Variants in ATG5 observed in about 807,000 individuals in gnomAD.
ATG5 encodes autophagy related 5.
A neutral mutation model predicts 36.5 loss-of-function variants in ATG5; 14 were observed. The observed-to-expected ratio is 0.38, with a 90% CI of 0.25 to 0.60. The LOEUF is 0.60. Ranked by LOEUF, ATG5 falls within the 20% of genes least tolerant of loss-of-function variation. The probability of loss-of-function intolerance (pLI) is 0.60; values close to 1 mark genes in which losing one functional copy is unlikely to be tolerated. For synonymous variants in ATG5, 95 were observed against 101.5 expected (o/e 0.94, Z 0.38); for missense variants, 195 against 326.7 (o/e 0.60, Z 3.11).
At chr6:106,296,241 C>A (rs1238417119) in intron 3 of ATG5, among the ~76,000 whole-genome samples, 1 of 151,772 alleles carries the variant, frequency 6.6e-6, no homozygotes, top group Non-Finnish European at 1.5e-5. Context: ...AAACTTACTC[C>A]ATGTAGTAAT....
intron 5 of ATG5, among the ~76,000 whole-genome samples, chr6:106,265,760 G>T (rs1396384938): frequency 2.0e-5 from 3 of 152,066 alleles, no homozygotes; most frequent in Non-Finnish European, 4.4e-5. Flanking sequence ...GGTAAATAAC[G>T]AAATTAAGGC....
intron 2 of ATG5, among the ~76,000 whole-genome samples, chr6:106,310,050 A>G (rs1330913287): frequency 2.0e-5 from 3 of 152,152 alleles, no homozygotes; most frequent in Admixed American, 6.6e-5. Flanking sequence ...TTTTTATGAA[A>G]TAAAATATTT....
At chr6:106,197,994 A>G (rs1776268586) in intron 7 of ATG5, among the ~76,000 whole-genome samples, 1 of 152,206 alleles carries the variant, frequency 6.6e-6, no homozygotes, top group Non-Finnish European at 1.5e-5. Context: ...CTCTATCAGC[A>G]ATAAAAACGA....
chr6:106,239,478 G>A (rs1237504588), intron 6 of ATG5, among the ~76,000 whole-genome samples: 1 of 152,136 alleles, frequency 6.6e-6, no homozygotes, highest in Non-Finnish European at 1.5e-5. Flanking sequence ...CTGAATAAGT[G>A]ATTTTAAAAG....
Position 106,186,517 on chromosome 6 carries a change from T to C in ATG5, c.*23A>G, listed in dbSNP as rs1271940897. The stretch of plus-strand genomic sequence containing the variant: ...GATAAATCCCATTTAAGGATGATTC[T>C]GTTCAGGCAAATAGTTGATCCTTCA... On this transcript the variant is annotated 3_prime_UTR_variant, in exon 8 of 8. Coordinates refer to ENST00000369076, the MANE Select transcript of ATG5 (RefSeq NM_004849.4). 6 of 1,611,622 alleles carry C rather than the reference T, an allele frequency of 3.7e-6. No homozygotes were observed. The highest frequency in any genetic ancestry group is 1.3e-5 in the African/African-American group (1 of 74,848).
chr6:106,305,809 ATATTGAT>A (rs1770421875), intron 3 of ATG5, among the ~76,000 whole-genome samples: 1 of 152,250 alleles, frequency 6.6e-6, no homozygotes, highest in African/African-American at 2.4e-5. Context: ...AGATATTCTT[ATATTGAT>A]AGCCTATTTC....
chr6:106,230,426 G>A (rs1777631969), intron 6 of ATG5, among the ~76,000 whole-genome samples: 1 of 152,166 alleles, frequency 6.6e-6, no homozygotes, highest in South Asian at 2.1e-4. Context: ...GGGCACGCTG[G>A]TAAAGGACCA....
chr6:106,279,523 C>G (rs1244343338), intron 5 of ATG5, 138 bp downstream of exon 5: 2 of 687,052 alleles, frequency 2.9e-6, no homozygotes, highest in African/African-American at 3.7e-5. Flanking sequence ...CTAAAAGTAG[C>G]TTCTGTGCAA....
At chr6:106,238,279 G>A (rs941618534) in intron 6 of ATG5, among the ~76,000 whole-genome samples, 3 of 152,154 alleles carry the variant, frequency 2.0e-5, no homozygotes, top group Admixed American at 1.3e-4. Context: ...CAGGGTTCAA[G>A]TGAACAAATC....
chr6:106,236,912 TA>T (rs945932019), intron 6 of ATG5, among the ~76,000 whole-genome samples: 2 of 152,312 alleles, frequency 1.3e-5, no homozygotes, highest in East Asian at 3.9e-4. Context: ...ATAAATATGT[TA>T]ATGTGTATGC....
chr6:106,210,059 T>G (rs1162458082), intron 6 of ATG5, among the ~76,000 whole-genome samples: 1 of 152,204 alleles, frequency 6.6e-6, no homozygotes, highest in Non-Finnish European at 1.5e-5. Context: ...TCTACAACAA[T>G]GACTTTTAAC....
chr6:106,210,791 AT>A (rs1291761087), intron 6 of ATG5, among the ~76,000 whole-genome samples: 3 of 152,298 alleles, frequency 2.0e-5, no homozygotes, highest in East Asian at 1.9e-4. Flanking sequence ...TACCTCATAG[AT>A]TTTTTTGTGA....
At chr6:106,228,377 T>C (rs538439024) in intron 6 of ATG5, among the ~76,000 whole-genome samples, 30 of 152,300 alleles carry the variant, frequency 2.0e-4, no homozygotes, top group Non-Finnish European at 3.8e-4. Context: ...CCGACTGGGC[T>C]AAAGACTTGC....
chr6:106,189,104 T>C (rs1267741457), intron 7 of ATG5, among the ~76,000 whole-genome samples: 1 of 152,158 alleles, frequency 6.6e-6, no homozygotes, highest in African/African-American at 2.4e-5. Context: ...CTGGTAGAAT[T>C]ATACTGTCAA....
chr6:106,274,789 C>A (rs942133069), intron 5 of ATG5, among the ~76,000 whole-genome samples: 3 of 152,212 alleles, frequency 2.0e-5, no homozygotes, highest in African/African-American at 7.2e-5. Flanking sequence ...TCTCTACTCT[C>A]TGCCAAAGAC....
At chr6:106,268,481 A>T (rs1156415436) in intron 5 of ATG5, among the ~76,000 whole-genome samples, 1 of 152,212 alleles carries the variant, frequency 6.6e-6, no homozygotes, top group Admixed American at 6.5e-5. Flanking sequence ...TTCCTCAAGG[A>T]TCTACAGCCA....
At chr6:106,245,048 A>G (rs891652718) in intron 6 of ATG5, among the ~76,000 whole-genome samples, 1 of 152,200 alleles carries the variant, frequency 6.6e-6, no homozygotes, top group Non-Finnish European at 1.5e-5. Flanking sequence ...ACTTAATGTC[A>G]TCTCTAGAAT....
chr6:106,198,616 A>AAT (rs1405490076), intron 7 of ATG5, among the ~76,000 whole-genome samples: 1 of 152,120 alleles, frequency 6.6e-6, no homozygotes, highest in East Asian at 1.9e-4. Flanking sequence ...GTCTCTACTA[A>AAT]AAACACAAAT....
intron 7 of ATG5, among the ~76,000 whole-genome samples, chr6:106,186,954 A>C (rs956060228): frequency 1.3e-5 from 2 of 152,240 alleles, no homozygotes. Flanking sequence ...ATTGACGTTA[A>C]TGAAACTGTA....
Sources: allele counts gnomAD v4.1 joint callset (sites outside exome capture counted in the v4.1 genomes callset), GRCh38; gene constraint gnomAD v4.1.1; transcripts MANE v1.5; gene names NCBI Gene and HGNC (gene_info 2026-07-23, HGNC 2026-07-21).